The following AASDH variants were observed in gnomAD, a reference collection of about 807,000 sequenced individuals.
AASDH encodes aminoadipate-semialdehyde dehydrogenase, also known as beta-alanine-activating enzyme.
Under a neutral mutation model 102.3 loss-of-function variants are expected in AASDH, and 81 were observed. That is an observed-to-expected ratio of 0.79 (90% CI 0.66 to 0.95). The LOEUF is 0.95. AASDH is among the 40% of genes least tolerant of loss of function. The pLI is 0.00. For missense variants in AASDH, 1,203 were observed against 1,266.2 expected (o/e 0.95, Z 0.76); for synonymous variants, 398 against 454.0 (o/e 0.88, Z 1.57).
At chr4:56,355,738 C>A (rs1749562381) in intron 5 of AASDH, among the ~76,000 whole-genome samples, 1 of 151,826 alleles carries the variant, frequency 6.6e-6, no homozygotes, top group Non-Finnish European at 1.5e-5. Flanking sequence ...CCCACCTCAG[C>A]CTCCTGAACA....
At chr4:56,374,122 G>A (rs1477545823) in intron 4 of AASDH, among the ~76,000 whole-genome samples, 1 of 152,124 alleles carries the variant, frequency 6.6e-6, no homozygotes, top group East Asian at 1.9e-4. Flanking sequence ...GCTCACGCTT[G>A]TAATCCCAGC....
intron 1 of AASDH, among the ~76,000 whole-genome samples, chr4:56,385,887 G>A (rs1226345730): frequency 6.6e-6 from 1 of 151,888 alleles, no homozygotes. Context: ...AGGATTACAG[G>A]CGGAGCCACC....
At chr4:56,351,566 C>T (rs1422417252) in intron 9 of AASDH, 109 bp from the exon 10 acceptor site, 4 of 619,800 alleles carry the variant, frequency 6.5e-6, no homozygotes, top group Non-Finnish European at 1.1e-5. Context: ...ACACAGAAAT[C>T]ATATAAAGAG....
chr4:56,355,226 C>T lies in AASDH; in HGVS notation c.1059G>A (p.Ala353=), dbSNP rs183686598. 1.4e-5 allele frequency: 23 copies of T among 1,613,996 alleles called. No homozygotes were observed. The highest frequency in any genetic ancestry group is 6.7e-5 in the East Asian group (3 of 44,862). ...VYGITEVSSW[A]TIYRIPEKTL... Reference sequence around the variant, plus strand: ...TCTTCTCTGGAATCCTATAAATGGTCGCCCAACTTGATACCTCTGTGATAC... The same window carrying T: ...TCTTCTCTGGAATCCTATAAATGGTTGCCCAACTTGATACCTCTGTGATAC... Residue 353 remains alanine (A), a synonymous_variant, in exon 6 of 15, where the codon GCG becomes GCA. Transcript: ENST00000205214.
intron 11 of AASDH, among the ~76,000 whole-genome samples, chr4:56,346,952 C>G (rs1577965780): frequency 6.6e-6 from 1 of 151,528 alleles, no homozygotes; most frequent in Non-Finnish European, 1.5e-5. Context: ...GAGGTGGGAG[C>G]ATCACCTGAG....
chr4:56,338,848 C>A, intron 14 of AASDH, 57 bp from the exon 15 acceptor site: 1 of 1,505,104 alleles, frequency 6.6e-7, no homozygotes, highest in South Asian at 1.2e-5. Flanking sequence ...CCAATTCTCC[C>A]TTAAAGCTCT....
At chr4:56,356,571 G>A in intron 5 of AASDH, 1 of 756,948 alleles carries the variant, frequency 1.3e-6, no homozygotes, top group Non-Finnish European at 2.4e-6. Context: ...CAACACCTTG[G>A]TGGAGAACAA....
At position 56,338,647 on chromosome 4, in the gene AASDH, A is replaced by T; in HGVS notation, c.3052T>A (p.Ser1018Thr). The T allele has an allele frequency of 1.2e-6, 2 of 1,614,182 alleles. No homozygotes were observed. The highest frequency in any genetic ancestry group is 1.7e-6 in the Non-Finnish European group (2 of 1,180,018). Reference protein sequence around the residue: ...GHLQWKFETTSRVYATPFAFH... With the variant: ...GHLQWKFETTTRVYATPFAFH... Reference sequence around the variant, plus strand: ...GCAAACGGTGTTGCATAGACCCTTGAAGTAGTTTCAAATTTCCACTGCAGG... The same window carrying T: ...GCAAACGGTGTTGCATAGACCCTTGTAGTAGTTTCAAATTTCCACTGCAGG... The change falls in exon 15 of 15, where the codon TCA becomes ACA. Residue 1018 changes from serine (S) to threonine (T), a missense_variant. Transcript: ENST00000205214.
At chr4:56,385,975 G>A (rs1268005786) in intron 1 of AASDH, among the ~76,000 whole-genome samples, 2 of 149,788 alleles carry the variant, frequency 1.3e-5, no homozygotes, top group Admixed American at 6.7e-5. Flanking sequence ...TTGATTTCCT[G>A]ACTCAAAATT....
Position 56,378,443 on chromosome 4 carries a change from T to G in AASDH, c.373A>C (p.Thr125Pro). ...QINKFKSFHE[T>P]LLNYDTFTVE... is the part of the protein sequence containing the mutation. ...GTAAATGTATCATAGTTCAATAATG[T>G]TTCATGAAAAGATTTAAATTTCTGT... The change falls in exon 4 of 15, where the codon ACA (threonine) becomes CCA (proline). Residue 125 changes from threonine (T) to proline (P), a missense_variant. Coordinates refer to ENST00000205214, the MANE Select transcript of AASDH (RefSeq NM_181806.4). 6.3e-7 allele frequency: 1 copy of G among 1,598,164 alleles called. No homozygotes were observed. The highest frequency in any genetic ancestry group is 8.5e-7 in the Non-Finnish European group (1 of 1,174,704).
At chr4:56,355,479 A>C (rs1749504663) in intron 5 of AASDH, 56 bp from the exon 6 acceptor site, 1 of 1,493,102 alleles carries the variant, frequency 6.7e-7, no homozygotes, top group African/African-American at 1.4e-5. Flanking sequence ...TAAAAAGGTA[A>C]GCACTGTAGT....
chr4:56,381,985 T>TA (rs1753022414), intron 3 of AASDH: 1 of 152,246 alleles, frequency 6.6e-6, no homozygotes, highest in Admixed American at 6.5e-5. Context: ...AGTCTCTTTT[T>TA]CAAAATGCAA....
Position 56,345,100 on chromosome 4 carries a change from C to A in AASDH, c.2652+27G>T, listed in dbSNP as rs61751951. 8,717 of 1,610,864 alleles carry A rather than the reference C, an allele frequency of 5.4e-3. 24 individuals are homozygous for A. Among genetic ancestry groups the A allele is most frequent in the Non-Finnish European group, 6.3e-3 (7,378 of 1,177,834 alleles). On this transcript the variant is annotated intron_variant, in intron 12 of 14. Transcript: ENST00000205214. ...ACCATTACAGGCATGCGCCACCATG[C>A]CCAGCTAATTTGAGGTCAATCCTTA...
At chr4:56,353,651 T>G in intron 8 of AASDH, 55 bp from the exon 9 acceptor site, 1 of 1,438,470 alleles carries the variant, frequency 7.0e-7, no homozygotes, top group Non-Finnish European at 9.4e-7. Flanking sequence ...ACAAGCTTCC[T>G]AAAAGCTTAT....
In AASDH at chr4:56,351,347, A is replaced by C. The variant is rs1748975177; in HGVS notation, c.1687T>G (p.Trp563Gly). The change falls in exon 10 of 15, where the codon TGG becomes GGG. Residue 563 changes from tryptophan to glycine, a missense_variant. Coordinates refer to ENST00000205214, the MANE Select transcript of AASDH (RefSeq NM_181806.4). ...TTATAACTTAAAAATTGTACCTTCC[A>C]CAAATACTGTAATTTTTCCCAAAGG... ...EDLWEKLQYLWKSTLNLPEDL... is the reference protein window; with the variant it reads ...EDLWEKLQYLGKSTLNLPEDL... 6.4e-7 allele frequency: 1 copy of C among 1,560,538 alleles called. No individual in the cohort carries two copies. Among genetic ancestry groups the C allele is most frequent in the Non-Finnish European group, 8.8e-7 (1 of 1,136,716 alleles).
In AASDH at chr4:56,351,388, A is replaced by G; in HGVS notation, c.1646T>C (p.Leu549Pro). 1.9e-6 allele frequency: 3 copies of G among 1,604,170 alleles called. No homozygotes were observed. The highest frequency in any genetic ancestry group is 2.6e-6 in the Non-Finnish European group (3 of 1,173,010). The part of the protein sequence containing the change: ...NYINLKSENK[L>P]SGKEDLWEKL... ...TTCCCAAAGGTCCTCTTTCCCACTG[A>G]GCTTATTCTCAGACTTCAAGTTTAT... is the stretch of plus-strand genomic sequence containing the variant. Residue 549 changes from leucine to proline, a missense_variant, in exon 10 of 15, where the codon CTC becomes CCC. Transcript: ENST00000205214.
chr4:56,351,651 G>T (rs1213557413), intron 9 of AASDH, among the ~76,000 whole-genome samples, 194 bp from the exon 10 acceptor site: 2 of 152,104 alleles, frequency 1.3e-5, no homozygotes, highest in Admixed American at 6.5e-5. Flanking sequence ...TGAGAAACAG[G>T]TCAGGCATAG....
chr4:56,363,889 T>G (rs1351609782), intron 5 of AASDH, among the ~76,000 whole-genome samples: 3 of 152,116 alleles, frequency 2.0e-5, no homozygotes, highest in Non-Finnish European at 4.4e-5. Flanking sequence ...TTTGACAAGT[T>G]GAGAGAAGAA....
rs768710242 is a variant in AASDH at position 56,371,520 on chromosome 4, A to T, written c.792T>A (p.Thr264=). 6 of 1,613,306 alleles carry T rather than the reference A, an allele frequency of 3.7e-6. No homozygotes were observed. The South Asian group carries it at 6.6e-5, about 18-fold the overall frequency. ...ATTTTGATGGGAGCAACTTGACGGA[A>T]GTTGGTACAATAAGCAGAGAGGCAC... ...SSGASLLIVP[T]SVKLLPSKLA... The change falls in exon 5 of 15, where the codon ACT becomes ACA. Residue 264 remains threonine (T), a synonymous_variant. Coordinates refer to ENST00000205214, the MANE Select transcript of AASDH (RefSeq NM_181806.4).
Sources: gnomAD v4.1 joint callset for allele counts (sites outside exome capture counted in the v4.1 genomes callset) on GRCh38, gnomAD v4.1.1 for gene constraint, MANE v1.5 for transcripts, NCBI Gene and HGNC (gene_info 2026-07-23, HGNC 2026-07-21) for gene names.